CACNA2D3: variants seen among roughly 807,000 people sequenced by gnomAD.
CACNA2D3 encodes the protein voltage-dependent calcium channel subunit alpha-2/delta-3.
A neutral mutation model predicts 160.6 loss-of-function variants in CACNA2D3; 60 were observed. The observed-to-expected ratio is 0.37, with a 90% CI of 0.30 to 0.46. CACNA2D3 has a LOEUF of 0.46. Among genes scored for constraint, CACNA2D3 ranks in the 20% least tolerant of loss-of-function variants. CACNA2D3 has a pLI of 1.00. For missense variants in CACNA2D3, 1,205 were observed against 1,365.0 expected (o/e 0.88, Z 1.85); for synonymous variants, 558 against 492.9 (o/e 1.13, Z -1.75).
At chr3:54,124,766 GA>G (rs1432604964) in intron 2 of CACNA2D3, among the ~76,000 whole-genome samples, 1 of 152,170 alleles carries the variant, frequency 6.6e-6, no homozygotes. Context: ...CTTATTCATT[GA>G]AACCTTATTC....
At chr3:54,539,182 T>C (rs892474438) in intron 5 of CACNA2D3, among the ~76,000 whole-genome samples, 1 of 152,216 alleles carries the variant, frequency 6.6e-6, no homozygotes, top group Admixed American at 6.5e-5. Context: ...GGCAAATTAC[T>C]TAAGCCTTCT....
chr3:55,026,332 T>G (rs990093987), intron 35 of CACNA2D3, among the ~76,000 whole-genome samples: 2 of 152,182 alleles, frequency 1.3e-5, no homozygotes, highest in Non-Finnish European at 2.9e-5. Context: ...TGAAGATAGC[T>G]CAGGACTTGA....
At chr3:54,329,534 A>G (rs1184247654) in intron 3 of CACNA2D3, among the ~76,000 whole-genome samples, 2 of 152,216 alleles carry the variant, frequency 1.3e-5, no homozygotes, top group African/African-American at 2.4e-5. Context: ...TGACACAGCA[A>G]TGTGGCACCA....
intron 11 of CACNA2D3, among the ~76,000 whole-genome samples, chr3:54,721,351 C>A (rs914886534): frequency 6.6e-6 from 1 of 152,116 alleles, no homozygotes; most frequent in Non-Finnish European, 1.5e-5. Context: ...TGAATTATTT[C>A]TTTAAATTCT....
chr3:54,250,250 A>G (rs1193602247), intron 2 of CACNA2D3, among the ~76,000 whole-genome samples: 4 of 152,170 alleles, frequency 2.6e-5, no homozygotes, highest in Non-Finnish European at 5.9e-5. Flanking sequence ...AAATCTGGCA[A>G]TGTATTATCT....
chr3:54,925,320 A>T, intron 27 of CACNA2D3: 1 of 928,002 alleles, frequency 1.1e-6, no homozygotes, highest in Non-Finnish European at 1.6e-6. Context: ...CAGCCAGGTG[A>T]AACCTTCTAC....
At chr3:54,587,741 C>T (rs1446460924) in intron 9 of CACNA2D3, among the ~76,000 whole-genome samples, 7 of 151,926 alleles carry the variant, frequency 4.6e-5, no homozygotes, top group Non-Finnish European at 7.4e-5. Flanking sequence ...TTCTCAAAGC[C>T]GCAAACTTCC....
At chr3:54,167,248 A>G (rs1056391459) in intron 2 of CACNA2D3, among the ~76,000 whole-genome samples, 2 of 152,178 alleles carry the variant, frequency 1.3e-5, no homozygotes, top group Admixed American at 1.3e-4. Flanking sequence ...AACCAGGTAT[A>G]TAGTTGATCC....
chr3:54,211,732 T>C (rs1701375412), intron 2 of CACNA2D3, among the ~76,000 whole-genome samples: 1 of 152,220 alleles, frequency 6.6e-6, no homozygotes, highest in Non-Finnish European at 1.5e-5. Context: ...GTCGTTTGCT[T>C]CTTTACCAGT....
At chr3:54,874,097 C>T (rs1699606139) in intron 18 of CACNA2D3, among the ~76,000 whole-genome samples, 1 of 152,024 alleles carries the variant, frequency 6.6e-6, no homozygotes, top group Non-Finnish European at 1.5e-5. Flanking sequence ...AAGTAGGCTC[C>T]TGAATTTAGT....
chr3:54,595,331 T>G (rs1520573), intron 9 of CACNA2D3, among the ~76,000 whole-genome samples: 13,358 of 115,720 alleles, frequency 0.12, 964 homozygotes, highest in Admixed American at 0.22. Flanking sequence ...TGTGTGTGTG[T>G]GTGTGTGTGT....
intron 10 of CACNA2D3, among the ~76,000 whole-genome samples, chr3:54,631,085 T>C (rs1282006065): frequency 6.6e-6 from 1 of 151,920 alleles, no homozygotes; most frequent in East Asian, 1.9e-4. Context: ...GCGCCTGTAA[T>C]CCCAGCTATT....
intron 9 of CACNA2D3, among the ~76,000 whole-genome samples, chr3:54,619,962 G>A (rs1385248248): frequency 2.0e-5 from 3 of 152,180 alleles, no homozygotes; most frequent in African/African-American, 7.2e-5. Flanking sequence ...ATTAGATCAA[G>A]AGGAAGTGTC....
chr3:54,725,932 G>A (rs1575443200), intron 11 of CACNA2D3, among the ~76,000 whole-genome samples: 1 of 152,106 alleles, frequency 6.6e-6, no homozygotes, highest in Admixed American at 6.5e-5. Context: ...GCAAGGGAAA[G>A]AAATAAAGGG....
At chr3:54,134,788 C>T (rs2107258565) in intron 2 of CACNA2D3, among the ~76,000 whole-genome samples, 1 of 152,310 alleles carries the variant, frequency 6.6e-6, no homozygotes, top group African/African-American at 2.4e-5. Context: ...GCATCCCTGC[C>T]CATCTGGGTC....
chr3:54,731,305 C>T (rs11130431), intron 11 of CACNA2D3, among the ~76,000 whole-genome samples: 44,723 of 152,006 alleles, frequency 0.29, 6,957 homozygotes, highest in East Asian at 0.42. Context: ...ACATTTTATA[C>T]GAAGCACACT....
chr3:54,883,595 G>T (rs566427819), intron 21 of CACNA2D3, among the ~76,000 whole-genome samples: 1 of 152,248 alleles, frequency 6.6e-6, no homozygotes, highest in Admixed American at 6.5e-5. Context: ...TGTAAATGAG[G>T]TTGGGAGGAT....
chr3:54,703,424 G>A (rs1054958322), intron 11 of CACNA2D3, among the ~76,000 whole-genome samples: 1 of 152,182 alleles, frequency 6.6e-6, no homozygotes, highest in Middle Eastern at 3.4e-3. Flanking sequence ...CTAGATTCTT[G>A]GGTGGTATTA....
chr3:54,475,897 T>C (rs76286057), intron 4 of CACNA2D3, among the ~76,000 whole-genome samples: 6,483 of 150,460 alleles, frequency 0.043, 476 homozygotes, highest in African/African-American at 0.15. Context: ...ATTCAGTGCA[T>C]TAGTATTAAC....
Sources: allele counts gnomAD v4.1 joint callset (sites outside exome capture counted in the v4.1 genomes callset), GRCh38; gene constraint gnomAD v4.1.1; transcripts MANE v1.5; gene names NCBI Gene and HGNC (gene_info 2026-07-23, HGNC 2026-07-21).